The following SLC37A3 variants were observed in gnomAD, a reference collection of about 807,000 sequenced individuals.
SLC37A3 encodes the protein sugar phosphate exchanger 3.
A neutral mutation model predicts 67.1 loss-of-function variants in SLC37A3; 51 were observed. That is an observed-to-expected ratio of 0.76 (90% CI 0.61 to 0.96). SLC37A3 has a LOEUF of 0.96. Ranked by LOEUF, SLC37A3 falls within the 40% of genes least tolerant of loss-of-function variation. The pLI, the probability that SLC37A3 is intolerant of heterozygous loss-of-function variation, is 0.00. For synonymous variants in SLC37A3, 214 were observed against 231.4 expected (o/e 0.92, Z 0.68); for missense variants, 508 against 603.0 (o/e 0.84, Z 1.65).
At chr7:140,371,726 A>T (rs981432429) in intron 3 of SLC37A3, among the ~76,000 whole-genome samples, 5 of 152,224 alleles carry the variant, frequency 3.3e-5, no homozygotes, top group Non-Finnish European at 7.3e-5. Context: ...AGGCCATGAG[A>T]GGAACCACTG....
chr7:140,361,934 C>G (rs1052357908), intron 5 of SLC37A3, among the ~76,000 whole-genome samples: 1 of 145,908 alleles, frequency 6.9e-6, no homozygotes, highest in Non-Finnish European at 1.5e-5. Flanking sequence ...CCTTGGCCCC[C>G]CAAAGTGCCG....
intron 1 of SLC37A3, among the ~76,000 whole-genome samples, chr7:140,397,766 G>A (rs1460655341): frequency 1.3e-5 from 2 of 152,040 alleles, no homozygotes; most frequent in South Asian, 2.1e-4. Flanking sequence ...AAACTTTTCA[G>A]TAAGAGTTAC....
intron 3 of SLC37A3, among the ~76,000 whole-genome samples, chr7:140,372,998 C>T (rs779227745): frequency 5.9e-5 from 9 of 152,164 alleles, no homozygotes; most frequent in Non-Finnish European, 1.2e-4. Flanking sequence ...GTTGCCCAGG[C>T]TGGAGTGCAA....
At chr7:140,341,417 C>A (rs1346139966) in intron 13 of SLC37A3, among the ~76,000 whole-genome samples, 1 of 152,100 alleles carries the variant, frequency 6.6e-6, no homozygotes, top group Non-Finnish European at 1.5e-5. Context: ...GTGCCTACTA[C>A]AGAACCGCAT....
chr7:140,341,825 T>C (rs902387396), intron 13 of SLC37A3, among the ~76,000 whole-genome samples: 1 of 152,176 alleles, frequency 6.6e-6, no homozygotes, highest in Non-Finnish European at 1.5e-5. Context: ...CTTAAAATAA[T>C]ATAATGTCAG....
intron 9 of SLC37A3, among the ~76,000 whole-genome samples, chr7:140,349,543 G>A (rs865828263): frequency 7.3e-5 from 11 of 150,852 alleles, no homozygotes; most frequent in South Asian, 4.3e-4. Flanking sequence ...GAAAAAGGGG[G>A]GGGGGACAGA....
intron 3 of SLC37A3, among the ~76,000 whole-genome samples, chr7:140,373,978 G>T (rs763684487): frequency 2.6e-5 from 4 of 151,814 alleles, no homozygotes; most frequent in Non-Finnish European, 5.9e-5. Context: ...AATACTTATT[G>T]GCTTATTTAA....
chr7:140,387,704 T>C (rs1342446354), intron 1 of SLC37A3, among the ~76,000 whole-genome samples: 1 of 108,692 alleles, frequency 9.2e-6, no homozygotes, highest in Non-Finnish European at 1.7e-5. Context: ...ATTATATAAA[T>C]ATAAATATAC....
intron 5 of SLC37A3, among the ~76,000 whole-genome samples, chr7:140,361,943 C>G (rs1282386114): frequency 1.4e-5 from 2 of 145,518 alleles, no homozygotes; most frequent in Non-Finnish European, 3.0e-5. Flanking sequence ...CCCAAAGTGC[C>G]GAGATTGCAG....
intron 10 of SLC37A3, 60 bp downstream of exon 10, chr7:140,348,566 C>T (rs923702441): frequency 5.9e-6 from 9 of 1,530,664 alleles, no homozygotes; most frequent in Non-Finnish European, 7.9e-6. Flanking sequence ...ATTTCACAAC[C>T]CAGTAAAAGA....
intron 5 of SLC37A3, 86 bp downstream of exon 5, chr7:140,364,322 C>A: frequency 8.2e-7 from 1 of 1,214,492 alleles, no homozygotes. Context: ...ATTAATCTTA[C>A]TATTCTATTC....
intron 1 of SLC37A3, among the ~76,000 whole-genome samples, chr7:140,397,500 T>A (rs1219420014): frequency 6.6e-6 from 1 of 152,066 alleles, no homozygotes; most frequent in Non-Finnish European, 1.5e-5. Flanking sequence ...AACCCGAAGC[T>A]CAATTTCCTC....
At chr7:140,361,652 G>T (rs1338173478) in intron 5 of SLC37A3, among the ~76,000 whole-genome samples, 1 of 149,096 alleles carries the variant, frequency 6.7e-6, no homozygotes. Flanking sequence ...CTCCCTGCCT[G>T]ATTCTCCTGC....
At chr7:140,340,455 G>C (rs982427231) in intron 13 of SLC37A3, among the ~76,000 whole-genome samples, 3 of 151,810 alleles carry the variant, frequency 2.0e-5, no homozygotes, top group Non-Finnish European at 4.4e-5. Context: ...GACACAAAAG[G>C]GTAGCATTCT....
rs1554416978 is a variant in SLC37A3, at chr7:140,337,117, A to AAAAG, written c.1392+166_1392+167insCTTT. 5.3e-3 allele frequency among the ~76,000 whole-genome samples: 765 copies of AAAAG among 145,214 alleles called. 10 individuals carry two copies. Among genetic ancestry groups the AAAAG allele is most frequent in the African/African-American group, 0.019 (719 of 37,200 alleles). On this transcript the variant is annotated intron_variant, in intron 14 of 14. Transcript: ENST00000326232. ...CTGCCTCAAAAAAAAAAAAAAAAAA[A>AAAAG]AAGAAGAAGAAGAAGAAGAAGATGT...
rs199685905 is a variant in SLC37A3 at position 140,396,882 on chromosome 7, G to GTTTT, written c.-71+1530_-71+1533dup. 1.2e-4 allele frequency among the ~76,000 whole-genome samples: 12 copies of GTTTT among 100,872 alleles called. 2 individuals are homozygous for GTTTT. Among genetic ancestry groups the GTTTT allele is most frequent in the Admixed American group, 1.3e-4 (1 of 7,816 alleles). 66.2% of individuals were successfully genotyped at this position (100,872 alleles called of 152,430 possible). A position where few individuals can be genotyped will look rare whatever the true frequency, so the allele number is the denominator to read the frequency against. On this transcript the variant is annotated intron_variant, in intron 1 of 14. Transcript: ENST00000326232. ...GTAGCTTCTCTGAATCTCAATTTCT[G>GTTTT]TTTTTTTTTTTGTTTTTTTTTTTTT...
chr7:140,358,953 A>G (rs1192340264), intron 5 of SLC37A3, among the ~76,000 whole-genome samples, 168 bp from the exon 6 acceptor site: 1 of 152,204 alleles, frequency 6.6e-6, no homozygotes, highest in Non-Finnish European at 1.5e-5. Flanking sequence ...TCAGAGCCAC[A>G]GTGAGGAGGC....
chr7:140,378,123 C>G (rs117748368), intron 3 of SLC37A3, among the ~76,000 whole-genome samples: 152 of 152,342 alleles, frequency 1.0e-3, no homozygotes, highest in Non-Finnish European at 1.6e-3. Context: ...AACCAGAAAT[C>G]TAGTGCCTAA....
intron 13 of SLC37A3, among the ~76,000 whole-genome samples, chr7:140,338,339 C>T (rs1796224043): frequency 6.6e-6 from 1 of 152,230 alleles, no homozygotes; most frequent in African/African-American, 2.4e-5. Context: ...CCAGCCCTTG[C>T]TAACCTCTTC....
Sources: allele counts gnomAD v4.1 joint callset (sites outside exome capture counted in the v4.1 genomes callset), GRCh38; gene constraint gnomAD v4.1.1; transcripts MANE v1.5; gene names NCBI Gene and HGNC (gene_info 2026-07-23, HGNC 2026-07-21).